Variants in HMGCLL1 observed in about 807,000 individuals in gnomAD.
HMGCLL1 encodes the protein 3-hydroxy-3-methylglutaryl-CoA lyase like 1.
In HMGCLL1, 36 loss-of-function variants were observed where a neutral mutation model predicts 39.1. The observed-to-expected ratio is 0.92, with a 90% CI of 0.71 to 1.22. HMGCLL1 has a LOEUF of 1.22. Among genes scored for constraint, HMGCLL1 ranks in the 50% most tolerant of loss-of-function variants. HMGCLL1 has a pLI of 0.00. For missense variants in HMGCLL1, 451 were observed against 416.5 expected (o/e 1.08, Z -0.72); for synonymous variants, 149 against 144.0 (o/e 1.03, Z -0.25).
At chr6:55,622,902 T>C in the HMGCLL1 span, among the ~76,000 whole-genome samples, 1 of 152,042 alleles carries the variant, frequency 6.6e-6, no homozygotes, top group Non-Finnish European at 1.5e-5. Context: ...GGCTTTTCTT[T>C]GCTGGGAGAC....
chr6:55,636,192 TATA>T, the HMGCLL1 span, among the ~76,000 whole-genome samples: 3 of 152,064 alleles, frequency 2.0e-5, no homozygotes, highest in Non-Finnish European at 4.4e-5. Flanking sequence ...CAAAAGGGAA[TATA>T]ATTAAGGAAT....
the HMGCLL1 span, among the ~76,000 whole-genome samples, chr6:55,652,467 G>GA: frequency 1.3e-5 from 2 of 151,826 alleles, no homozygotes; most frequent in Non-Finnish European, 2.9e-5. Flanking sequence ...TCATTTTAAG[G>GA]AAAAAAATAA....
intron 3 of HMGCLL1, among the ~76,000 whole-genome samples, chr6:55,519,930 C>G (rs552548097): frequency 3.3e-5 from 5 of 151,878 alleles, no homozygotes; most frequent in Non-Finnish European, 7.4e-5. Context: ...AATCTTGAGA[C>G]AGTGGGAACA....
chr6:55,453,876 A>C (rs1415789988), intron 7 of HMGCLL1, among the ~76,000 whole-genome samples: 1 of 152,198 alleles, frequency 6.6e-6, no homozygotes, highest in Non-Finnish European at 1.5e-5. Context: ...AAGCACTGAG[A>C]TCTCTCGCTT....
At position 55,542,132 on chromosome 6, in the gene HMGCLL1, G is replaced by C. The variant is rs1310644866; in HGVS notation, c.117C>G (p.Ser39=). Residue 39 remains serine, a synonymous_variant, in exon 2 of 9, where the codon TCC becomes TCG. Transcript: ENST00000274901. ...AGALDPAQET[S]QLSGLPEFVK... ...CAAACTCAGGGAGTCCAGATAACTGGGATGTTTCCTGAAATGCAAAATGTA... is the reference window on the plus strand; with the variant it reads ...CAAACTCAGGGAGTCCAGATAACTGCGATGTTTCCTGAAATGCAAAATGTA... 6.2e-7 allele frequency: 1 copy of C among 1,603,662 alleles called. No individual in the cohort carries two copies. The highest frequency in any genetic ancestry group is 1.7e-5 in the Admixed American group (1 of 59,264).
chr6:55,646,724 T>C, the HMGCLL1 span, among the ~76,000 whole-genome samples: 1 of 152,164 alleles, frequency 6.6e-6, no homozygotes, highest in South Asian at 2.1e-4. Flanking sequence ...TTGTTATTGA[T>C]TTGTAGATTT....
the HMGCLL1 span, among the ~76,000 whole-genome samples, chr6:55,595,995 A>G: frequency 6.6e-6 from 1 of 152,164 alleles, no homozygotes; most frequent in Admixed American, 6.6e-5. Context: ...TGTTTTGTAA[A>G]AGATGTATCT....
chr6:55,552,784 T>TTTAGCAGCTGTGTTTCCAA (rs2127465532), intron 1 of HMGCLL1, among the ~76,000 whole-genome samples: 1 of 152,046 alleles, frequency 6.6e-6, no homozygotes, highest in South Asian at 2.1e-4. Flanking sequence ...AAATAAAGCA[T>TTTAGCAGCTGTGTTTCCAA]TAGTTTATTT....
the HMGCLL1 span, among the ~76,000 whole-genome samples, chr6:55,662,893 C>G: frequency 6.6e-6 from 1 of 151,616 alleles, no homozygotes; most frequent in Admixed American, 6.6e-5. Flanking sequence ...TTCAGGTAAT[C>G]AATTTTTTTC....
intron 7 of HMGCLL1, among the ~76,000 whole-genome samples, chr6:55,452,211 C>G (rs1475384033): frequency 2.0e-5 from 3 of 152,086 alleles, no homozygotes; most frequent in Admixed American, 2.0e-4. Context: ...CTTGGAAGTG[C>G]CTCTCATAAA....
intron 7 of HMGCLL1, among the ~76,000 whole-genome samples, chr6:55,468,022 G>T (rs1434680262): frequency 6.6e-6 from 1 of 151,964 alleles, no homozygotes; most frequent in African/African-American, 2.4e-5. Flanking sequence ...CATACAGAAT[G>T]CCTGTGTGAA....
chr6:55,559,495 G>C (rs933543263), intron 1 of HMGCLL1, among the ~76,000 whole-genome samples: 5 of 152,108 alleles, frequency 3.3e-5, no homozygotes, highest in Non-Finnish European at 5.9e-5. Flanking sequence ...TGAAGTGGTA[G>C]GAAGTGGATG....
intron 1 of HMGCLL1, among the ~76,000 whole-genome samples, chr6:55,560,047 A>G (rs1029045559): frequency 6.6e-6 from 1 of 152,200 alleles, no homozygotes; most frequent in African/African-American, 2.4e-5. Flanking sequence ...TTCACAATTG[A>G]GAGTGGAAAG....
At chr6:55,472,617 T>A (rs1274453959) in intron 7 of HMGCLL1, among the ~76,000 whole-genome samples, 1 of 151,492 alleles carries the variant, frequency 6.6e-6, no homozygotes, top group African/African-American at 2.4e-5. Context: ...AATTTTTATT[T>A]AATAGGGTTT....
the HMGCLL1 span, among the ~76,000 whole-genome samples, chr6:55,610,146 C>A: frequency 5.3e-4 from 80 of 152,212 alleles, 2 homozygotes; most frequent in South Asian, 0.016. Flanking sequence ...ATCGCAATGC[C>A]TCTCCAGCTA....
the HMGCLL1 span, among the ~76,000 whole-genome samples, chr6:55,641,057 T>C: frequency 6.6e-6 from 1 of 151,688 alleles, no homozygotes; most frequent in African/African-American, 2.4e-5. Flanking sequence ...TAATATCACT[T>C]TATTTGGAGA....
the HMGCLL1 span, among the ~76,000 whole-genome samples, chr6:55,646,658 C>A: frequency 2.6e-5 from 4 of 151,922 alleles, no homozygotes; most frequent in Non-Finnish European, 5.9e-5. Context: ...GCCCACTGGT[C>A]ATTGAGGATT....
chr6:55,451,393 C>T (rs1432890367), intron 7 of HMGCLL1, among the ~76,000 whole-genome samples: 6 of 151,758 alleles, frequency 4.0e-5, no homozygotes, highest in South Asian at 2.1e-4. Flanking sequence ...GAGACTGAGG[C>T]GGGTGGATCA....
At chr6:55,667,298 T>C in the HMGCLL1 span, among the ~76,000 whole-genome samples, 1 of 151,774 alleles carries the variant, frequency 6.6e-6, no homozygotes, top group South Asian at 2.1e-4. Flanking sequence ...AATAAATGAC[T>C]CTATTTTATT....
Sources: allele counts gnomAD v4.1 joint callset (sites outside exome capture counted in the v4.1 genomes callset), GRCh38; gene constraint gnomAD v4.1.1; transcripts MANE v1.5; gene names NCBI Gene and HGNC (gene_info 2026-07-23, HGNC 2026-07-21).